The following SGCZ variants were observed in gnomAD, a reference collection of about 807,000 sequenced individuals.
SGCZ encodes the protein zeta-sarcoglycan.
A neutral mutation model predicts 41.3 loss-of-function variants in SGCZ; 40 were observed. The observed-to-expected ratio is 0.97, with a 90% CI of 0.75 to 1.26. The LOEUF (loss-of-function observed/expected upper bound fraction) is 1.26, where lower values mean the gene tolerates loss of function less well. Among genes scored for constraint, SGCZ ranks in the 50% most tolerant of loss-of-function variants. SGCZ has a pLI of 0.00. For synonymous variants in SGCZ, 206 were observed against 137.5 expected (o/e 1.50, Z -3.49); for missense variants, 552 against 369.8 (o/e 1.49, Z -4.04).
chr8:14,203,771 T>C (rs66881719), intron 4 of SGCZ, among the ~76,000 whole-genome samples: 75,574 of 151,890 alleles, frequency 0.5, 20,526 homozygotes, highest in East Asian at 0.76. Context: ...GCACTTAGTA[T>C]TGATGGGGAG....
intron 2 of SGCZ, among the ~76,000 whole-genome samples, chr8:14,483,715 C>G (rs753020687): frequency 1.3e-5 from 2 of 152,010 alleles, no homozygotes; most frequent in Non-Finnish European, 2.9e-5. Context: ...CTAATGGGTA[C>G]GTCTTGGTTA....
At chr8:14,361,704 G>A (rs572473425) in intron 2 of SGCZ, among the ~76,000 whole-genome samples, 10 of 152,250 alleles carry the variant, frequency 6.6e-5, no homozygotes, top group Middle Eastern at 3.4e-3. Context: ...CCCATTCTCC[G>A]TCCAGTTTTG....
At chr8:14,625,725 C>G (rs1164463851) in intron 1 of SGCZ, among the ~76,000 whole-genome samples, 1 of 152,128 alleles carries the variant, frequency 6.6e-6, no homozygotes, top group Admixed American at 6.6e-5. Context: ...GCCAGCACAC[C>G]TGGCTAGAAG....
At position 14,426,337 on chromosome 8, in the gene SGCZ, T is replaced by A. The variant is rs557600017; in HGVS notation, c.235-102133A>T. Among the ~76,000 whole-genome samples, 3 of 152,226 alleles carry A rather than the reference T, an allele frequency of 2.0e-5. No individual in the cohort carries two copies. The East Asian group carries it at 5.8e-4, about 29-fold the overall frequency. ...AGTGAAGGAAGCATGTAGGGAATAT[T>A]TTTAAATAGGGTCGTGAGAGTATTT... is the stretch of plus-strand genomic sequence containing the variant. On this transcript the variant is annotated intron_variant, in intron 2 of 7. Coordinates refer to ENST00000382080, the MANE Select transcript of SGCZ (RefSeq NM_139167.4).
At chr8:14,198,674 T>C (rs956314927) in intron 4 of SGCZ, among the ~76,000 whole-genome samples, 8 of 152,104 alleles carry the variant, frequency 5.3e-5, no homozygotes, top group Non-Finnish European at 1.2e-4. Flanking sequence ...GTGCTGCTAA[T>C]ATTCTGTTGC....
At chr8:14,725,207 T>G (rs1266085190) in intron 1 of SGCZ, among the ~76,000 whole-genome samples, 2 of 152,202 alleles carry the variant, frequency 1.3e-5, no homozygotes, top group Non-Finnish European at 2.9e-5. Context: ...AATATTCCAT[T>G]GTGTATATAG....
intron 1 of SGCZ, among the ~76,000 whole-genome samples, chr8:14,697,050 A>T (rs958363987): frequency 2.0e-5 from 3 of 152,054 alleles, no homozygotes; most frequent in Admixed American, 2.0e-4. Context: ...GATTTAGGAG[A>T]ACTATCCAAT....
At chr8:14,766,567 AT>A (rs1359874546) in intron 1 of SGCZ, among the ~76,000 whole-genome samples, 4 of 151,388 alleles carry the variant, frequency 2.6e-5, no homozygotes, top group African/African-American at 2.4e-5. Flanking sequence ...AAATATATAT[AT>A]TTTTTCTTCT....
intron 1 of SGCZ, among the ~76,000 whole-genome samples, chr8:14,981,279 A>C (rs980033619): frequency 6.6e-6 from 1 of 152,214 alleles, no homozygotes; most frequent in African/African-American, 2.4e-5. Flanking sequence ...ATAATAGTTC[A>C]CATTCCTTAT....
At position 14,708,171 on chromosome 8, in the gene SGCZ, A is replaced by T. The variant is rs572970405; in HGVS notation, c.40-153245T>A. Among the ~76,000 whole-genome samples the T allele has an allele frequency of 2.0e-5, 3 of 151,994 alleles. No homozygotes were observed. The South Asian group carries it at 6.2e-4, about 31-fold the overall frequency. On this transcript the variant is annotated intron_variant, in intron 1 of 7. Coordinates refer to ENST00000382080, the MANE Select transcript of SGCZ (RefSeq NM_139167.4). ...TATTTTAATTAGACTTTCAATTTTC[A>T]TTCGATTTTGTCTACAATAATTTTT...
At chr8:14,597,540 C>G (rs1054724589) in intron 1 of SGCZ, among the ~76,000 whole-genome samples, 2 of 152,128 alleles carry the variant, frequency 1.3e-5, no homozygotes, top group African/African-American at 4.8e-5. Context: ...AGGATCTTGG[C>G]TCACTGCAAC....
intron 1 of SGCZ, among the ~76,000 whole-genome samples, chr8:15,092,325 C>T (rs1806183910): frequency 6.6e-6 from 1 of 152,150 alleles, no homozygotes; most frequent in Non-Finnish European, 1.5e-5. Flanking sequence ...ATCCTTAGAA[C>T]TCCATAATTA....
chr8:14,202,585 T>G (rs1021716964), intron 4 of SGCZ, among the ~76,000 whole-genome samples: 8 of 152,204 alleles, frequency 5.3e-5, no homozygotes, highest in African/African-American at 1.9e-4. Context: ...TAAGTTTTAT[T>G]CTAAAGCTAG....
At chr8:14,298,552 G>C (rs892520279) in intron 3 of SGCZ, among the ~76,000 whole-genome samples, 1 of 151,818 alleles carries the variant, frequency 6.6e-6, no homozygotes, top group African/African-American at 2.4e-5. Flanking sequence ...GTAACTAAAA[G>C]TGAGCAAGAA....
In SGCZ at chr8:14,190,014, C is replaced by CTTTTTTTT. The variant is rs71304966; in HGVS notation, c.425-25320_425-25313dup. On this transcript the variant is annotated intron_variant, in intron 4 of 7. Transcript: ENST00000382080. ...GAATCTACTTTTTCTTTCTTTCTTT[C>CTTTTTTTT]TTTTTTTTTTTTTTTTGAGACGGAC... is the stretch of plus-strand genomic sequence containing the variant. Among the ~76,000 whole-genome samples the CTTTTTTTT allele has an allele frequency of 2.4e-3, 237 of 100,146 alleles. 6 individuals carry two copies. Among genetic ancestry groups the CTTTTTTTT allele is most frequent in the African/African-American group, 3.4e-3 (97 of 28,346 alleles). The allele number at this position is 100,146 out of a possible 152,430, so 65.7% of individuals were successfully genotyped here. A position where few individuals can be genotyped will look rare whatever the true frequency, so the allele number is the denominator to read the frequency against.
intron 1 of SGCZ, among the ~76,000 whole-genome samples, chr8:14,687,567 G>C (rs1808656358): frequency 6.6e-6 from 1 of 151,688 alleles, no homozygotes; most frequent in African/African-American, 2.4e-5. Context: ...GTGTATATGT[G>C]CCACATTTTC....
intron 1 of SGCZ, among the ~76,000 whole-genome samples, chr8:14,599,428 T>C (rs939304687): frequency 1.3e-5 from 2 of 152,202 alleles, no homozygotes; most frequent in African/African-American, 4.8e-5. Context: ...ATGTGGAAAG[T>C]CACACAGCCA....
At chr8:14,625,058 T>C (rs1256251411) in intron 1 of SGCZ, among the ~76,000 whole-genome samples, 1 of 152,200 alleles carries the variant, frequency 6.6e-6, no homozygotes, top group Non-Finnish European at 1.5e-5. Context: ...ATATGTGTCT[T>C]AATAAACATA....
At chr8:14,486,402 G>C (rs1585579811) in intron 2 of SGCZ, among the ~76,000 whole-genome samples, 1 of 152,186 alleles carries the variant, frequency 6.6e-6, no homozygotes, top group Non-Finnish European at 1.5e-5. Flanking sequence ...TTACTCAAGA[G>C]AGAAATACAG....
Sources: allele counts gnomAD v4.1 joint callset (sites outside exome capture counted in the v4.1 genomes callset), GRCh38; gene constraint gnomAD v4.1.1; transcripts MANE v1.5; gene names NCBI Gene and HGNC (gene_info 2026-07-23, HGNC 2026-07-21).